The following ANO3 variants were observed in gnomAD, a reference collection of about 807,000 sequenced individuals.
The protein encoded by ANO3 is anoctamin-3.
ANO3 carries 99 observed loss-of-function variants against 144.8 expected under a neutral mutation model. The observed-to-expected ratio is 0.68, with a 90% CI of 0.58 to 0.81. The LOEUF (loss-of-function observed/expected upper bound fraction) is 0.81. Among genes scored for constraint, ANO3 ranks in the 30% least tolerant of loss-of-function variants. The pLI, the probability that ANO3 is intolerant of heterozygous loss-of-function variation, is 0.00. For missense variants in ANO3, 905 were observed against 1,202.2 expected (o/e 0.75, Z 3.66); for synonymous variants, 414 against 392.6 (o/e 1.05, Z -0.64).
chr11:26,631,516 A>G (rs1852779783), intron 18 of ANO3, among the ~76,000 whole-genome samples: 1 of 152,150 alleles, frequency 6.6e-6, no homozygotes, highest in Non-Finnish European at 1.5e-5. Context: ...CTATCTATCC[A>G]TCTATCTTTC....
chr11:26,422,994 T>C (rs1324473402), intron 1 of ANO3, among the ~76,000 whole-genome samples: 2 of 151,976 alleles, frequency 1.3e-5, no homozygotes, highest in African/African-American at 2.4e-5. Context: ...ATTAAAGATA[T>C]ATGGGCAGGA....
At chr11:26,594,196 T>G (rs765886500) in intron 14 of ANO3, among the ~76,000 whole-genome samples, 5 of 152,290 alleles carry the variant, frequency 3.3e-5, no homozygotes, top group Non-Finnish European at 7.4e-5. Context: ...GCATGCAAGT[T>G]AGCAAATGTC....
intron 1 of ANO3, among the ~76,000 whole-genome samples, chr11:26,267,433 T>C (rs1853340807): frequency 6.6e-6 from 1 of 152,222 alleles, no homozygotes; most frequent in East Asian, 1.9e-4. Context: ...TAGTAAGAGA[T>C]CATTGTATTT....
chr11:26,627,829 G>GTGTA (rs1390305779), intron 18 of ANO3, among the ~76,000 whole-genome samples: 2 of 135,732 alleles, frequency 1.5e-5, no homozygotes, highest in African/African-American at 5.7e-5. Context: ...GTGTGTGTGT[G>GTGTA]TGTGTGTGTG....
At chr11:26,194,267 G>C (rs1851534450) in intron 1 of ANO3, among the ~76,000 whole-genome samples, 1 of 152,034 alleles carries the variant, frequency 6.6e-6, no homozygotes, top group South Asian at 2.1e-4. Context: ...GTTATCCCCA[G>C]GAATATCTGA....
chr11:26,366,077 G>C (rs1324782264), intron 1 of ANO3, among the ~76,000 whole-genome samples: 3 of 149,426 alleles, frequency 2.0e-5, no homozygotes, highest in Non-Finnish European at 4.4e-5. Flanking sequence ...CATGTGCCTT[G>C]TTGGTGTGCT....
At chr11:26,432,846 G>T (rs1187299874) in intron 1 of ANO3, among the ~76,000 whole-genome samples, 1 of 151,962 alleles carries the variant, frequency 6.6e-6, no homozygotes, top group Non-Finnish European at 1.5e-5. Context: ...ATGCCTCGAG[G>T]TTTATTCTTT....
At chr11:26,284,937 C>G (rs192829056) in intron 1 of ANO3, among the ~76,000 whole-genome samples, 198 of 152,280 alleles carry the variant, frequency 1.3e-3, no homozygotes, top group African/African-American at 4.6e-3. Flanking sequence ...ATTTTGAATA[C>G]TCATCTTTCT....
chr11:26,345,856 G>A (rs961317158), intron 1 of ANO3, among the ~76,000 whole-genome samples: 1 of 152,132 alleles, frequency 6.6e-6, no homozygotes, highest in Non-Finnish European at 1.5e-5. Flanking sequence ...GGTACTATTA[G>A]CTCTGTTTTG....
intron 1 of ANO3, among the ~76,000 whole-genome samples, chr11:26,291,701 G>A (rs932966055): frequency 3.3e-5 from 5 of 152,188 alleles, no homozygotes; most frequent in Middle Eastern, 3.2e-3. Flanking sequence ...ATTCTGGGTT[G>A]AAATTTCTTT....
chr11:26,482,099 T>C lies in ANO3; in HGVS notation c.432+18951T>C, dbSNP rs142836549. On this transcript the variant is annotated intron_variant, in intron 4 of 26. Coordinates refer to ENST00000256737, the MANE Select transcript of ANO3 (RefSeq NM_031418.4). ...TTCTCTTAGAGACAGAGTCTCACTA[T>C]GTTGCCCAGTCTGGTCCCAACCTCC... 9.0e-3 allele frequency among the ~76,000 whole-genome samples: 1,365 copies of C among 152,098 alleles called. 28 individuals carry two copies. The highest frequency in any genetic ancestry group is 0.031 in the African/African-American group (1,299 of 41,490).
intron 1 of ANO3, among the ~76,000 whole-genome samples, chr11:26,224,992 C>T (rs1852228405): frequency 1.3e-5 from 2 of 152,030 alleles, no homozygotes. Flanking sequence ...TATAAAATGG[C>T]ATGTACTCTG....
intron 1 of ANO3, among the ~76,000 whole-genome samples, chr11:26,440,600 T>C (rs1010028645): frequency 6.6e-6 from 1 of 152,086 alleles, no homozygotes; most frequent in African/African-American, 2.4e-5. Flanking sequence ...ACAATAAGGA[T>C]ATCTACTCCA....
chr11:26,642,023 G>C lies in ANO3; in HGVS notation c.2269G>C (p.Glu757Gln), dbSNP rs1256262770. 1 of 1,611,498 alleles carries C rather than the reference G, an allele frequency of 6.2e-7. No homozygotes were observed. The highest frequency in any genetic ancestry group is 1.7e-5 in the Admixed American group (1 of 59,508). ...TCATGGACTGATGGATGAGTACTTAGAAATGGGTAAGGAAAAAAAATCTGC... is the reference window on the plus strand; with the variant it reads ...TCATGGACTGATGGATGAGTACTTACAAATGGGTAAGGAAAAAAAATCTGC... ...NLHGLMDEYL[E>Q]MVLQFGFTTI... The change falls in exon 22 of 27, where the codon GAA (glutamate) becomes CAA (glutamine). Residue 757 changes from glutamate (E) to glutamine (Q), a missense_variant. Glu to Gln is a conservative substitution (Grantham distance 29). Transcript: ENST00000256737.
intron 1 of ANO3, among the ~76,000 whole-genome samples, chr11:26,269,426 G>A (rs564713424): frequency 6.6e-6 from 1 of 152,188 alleles, no homozygotes; most frequent in South Asian, 2.1e-4. Flanking sequence ...ATCTCTCTTG[G>A]GGCTCTCTCA....
intron 3 of ANO3, among the ~76,000 whole-genome samples, chr11:26,457,172 A>T (rs1370978467): frequency 6.6e-6 from 1 of 151,490 alleles, no homozygotes; most frequent in Non-Finnish European, 1.5e-5. Context: ...ACAGGTATAC[A>T]TGTGTAACTT....
At chr11:26,516,295 G>A (rs1480644910) in intron 5 of ANO3, among the ~76,000 whole-genome samples, 2 of 151,222 alleles carry the variant, frequency 1.3e-5, no homozygotes, top group Non-Finnish European at 1.5e-5. Context: ...AAGAAAGAAA[G>A]CAAATATGAC....
At chr11:26,589,400 G>A (rs1590596614) in intron 14 of ANO3, among the ~76,000 whole-genome samples, 1 of 145,866 alleles carries the variant, frequency 6.9e-6, no homozygotes, top group Non-Finnish European at 1.5e-5. Flanking sequence ...AAAAACCTCA[G>A]TACCCCAATT....
chr11:26,293,744 TA>T (rs996546373), intron 1 of ANO3, among the ~76,000 whole-genome samples: 11 of 151,828 alleles, frequency 7.2e-5, no homozygotes, highest in African/African-American at 2.4e-4. Flanking sequence ...GCCACAGGGA[TA>T]AAAAGGACAT....
Sources: gnomAD v4.1 joint callset for allele counts (sites outside exome capture counted in the v4.1 genomes callset) on GRCh38, gnomAD v4.1.1 for gene constraint, MANE v1.5 for transcripts, NCBI Gene and HGNC (gene_info 2026-07-23, HGNC 2026-07-21) for gene names.